The following PDZRN4 variants were observed in gnomAD, a reference collection of about 807,000 sequenced individuals.
PDZRN4 encodes the protein PDZ domain containing ring finger 4, also known as PDZ domain-containing RING finger protein 4.
PDZRN4 carries 70 observed loss-of-function variants against 99.0 expected under a neutral mutation model. That is an observed-to-expected ratio of 0.71 (90% CI 0.58 to 0.86). The LOEUF (loss-of-function observed/expected upper bound fraction) is 0.86. Among genes scored for constraint, PDZRN4 ranks in the 40% least tolerant of loss-of-function variants. The pLI is 0.00. For synonymous variants in PDZRN4, 551 were observed against 501.6 expected (o/e 1.10, Z -1.32); for missense variants, 1,474 against 1,331.2 (o/e 1.11, Z -1.67).
intron 3 of PDZRN4, among the ~76,000 whole-genome samples, chr12:41,483,013 A>T (rs1937701621): frequency 6.6e-6 from 1 of 151,826 alleles, no homozygotes; most frequent in Non-Finnish European, 1.5e-5. Flanking sequence ...TATTGATATT[A>T]AAAATTATAT....
intron 3 of PDZRN4, among the ~76,000 whole-genome samples, chr12:41,289,803 G>A (rs1951445547): frequency 6.6e-6 from 1 of 152,182 alleles, no homozygotes; most frequent in African/African-American, 2.4e-5. Flanking sequence ...TTCAAAGACA[G>A]ATGCCTTCTG....
chr12:41,254,036 T>TGC (rs1566398070), intron 3 of PDZRN4, among the ~76,000 whole-genome samples: 1 of 2,820 alleles, frequency 3.5e-4, no homozygotes, highest in Non-Finnish European at 1.4e-3. Flanking sequence ...TGTGTGTGCG[T>TGC]GTGTGTGTGT....
At chr12:41,354,887 G>A (rs1042462399) in intron 3 of PDZRN4, among the ~76,000 whole-genome samples, 1 of 152,008 alleles carries the variant, frequency 6.6e-6, no homozygotes, top group Non-Finnish European at 1.5e-5. Flanking sequence ...AAGTAATATC[G>A]TACATACCAT....
intron 3 of PDZRN4, among the ~76,000 whole-genome samples, chr12:41,326,328 C>T (rs959742552): frequency 2.0e-5 from 3 of 152,122 alleles, no homozygotes; most frequent in African/African-American, 4.8e-5. Flanking sequence ...TACATGACAA[C>T]ATACACACAC....
intron 3 of PDZRN4, among the ~76,000 whole-genome samples, chr12:41,320,073 A>G (rs183908998): frequency 1.3e-5 from 2 of 152,314 alleles, no homozygotes; most frequent in African/African-American, 4.8e-5. Context: ...AGCCTGTCTT[A>G]CAGCTGCTGT....
chr12:41,512,418 G>C (rs1241170200), intron 5 of PDZRN4, among the ~76,000 whole-genome samples: 3 of 152,030 alleles, frequency 2.0e-5, no homozygotes, highest in Admixed American at 2.0e-4. Context: ...TCTCATAAGA[G>C]AACTAAAGAA....
At chr12:41,500,427 T>C (rs1215256072) in intron 3 of PDZRN4, among the ~76,000 whole-genome samples, 1 of 152,038 alleles carries the variant, frequency 6.6e-6, no homozygotes, top group Non-Finnish European at 1.5e-5. Context: ...CATATTCTCT[T>C]CCAAAAATCC....
chr12:41,336,499 T>C (rs1565555325), intron 3 of PDZRN4, among the ~76,000 whole-genome samples: 2 of 127,960 alleles, frequency 1.6e-5, no homozygotes, highest in Non-Finnish European at 3.5e-5. Flanking sequence ...ATGCAACTGA[T>C]GTGTTCAGAA....
At chr12:41,446,387 C>T (rs1420954544) in intron 3 of PDZRN4, among the ~76,000 whole-genome samples, 1 of 151,588 alleles carries the variant, frequency 6.6e-6, no homozygotes, top group African/African-American at 2.4e-5. Context: ...AAAGACTCTC[C>T]CAAGAGTATA....
intron 3 of PDZRN4, among the ~76,000 whole-genome samples, chr12:41,221,560 G>A (rs1260635491): frequency 6.6e-6 from 1 of 151,922 alleles, no homozygotes; most frequent in Non-Finnish European, 1.5e-5. Context: ...GTCACAAAAA[G>A]GAAATGAACT....
intron 3 of PDZRN4, among the ~76,000 whole-genome samples, chr12:41,349,229 G>A (rs1350181299): frequency 6.6e-6 from 1 of 151,892 alleles, no homozygotes; most frequent in African/African-American, 2.4e-5. Context: ...CACTGTTGTA[G>A]ATTAACTTCT....
intron 3 of PDZRN4, among the ~76,000 whole-genome samples, chr12:41,251,908 G>T (rs1212335331): frequency 1.3e-5 from 2 of 152,058 alleles, no homozygotes; most frequent in Non-Finnish European, 2.9e-5. Flanking sequence ...TAGAGCCAGG[G>T]GGTTCAAGAC....
chr12:41,398,882 C>A (rs773229313), intron 3 of PDZRN4, among the ~76,000 whole-genome samples: 2 of 152,136 alleles, frequency 1.3e-5, no homozygotes, highest in Admixed American at 1.3e-4. Flanking sequence ...TAATCTGAAA[C>A]TCTTCCCTTA....
intron 3 of PDZRN4, among the ~76,000 whole-genome samples, chr12:41,257,294 G>A (rs139481249): frequency 6.6e-6 from 1 of 152,288 alleles, no homozygotes; most frequent in African/African-American, 2.4e-5. Context: ...GTTGCAGATT[G>A]CTGACTTTTC....
intron 3 of PDZRN4, among the ~76,000 whole-genome samples, chr12:41,215,707 T>C (rs146461630): frequency 1.3e-5 from 2 of 152,072 alleles, no homozygotes; most frequent in East Asian, 3.9e-4. Flanking sequence ...TTTTTCACCT[T>C]AGGCAAAGAC....
At chr12:41,507,292 A>G (rs1034947928) in intron 4 of PDZRN4, among the ~76,000 whole-genome samples, 1 of 152,190 alleles carries the variant, frequency 6.6e-6, no homozygotes, top group Non-Finnish European at 1.5e-5. Context: ...TATTCAAGGA[A>G]TACTTCCTCC....
At chr12:41,513,103 C>A (rs1187204670) in intron 5 of PDZRN4, among the ~76,000 whole-genome samples, 1 of 152,170 alleles carries the variant, frequency 6.6e-6, no homozygotes, top group East Asian at 1.9e-4. Context: ...AGACTTAGTG[C>A]ATGGATTATT....
intron 3 of PDZRN4, among the ~76,000 whole-genome samples, chr12:41,496,090 G>A (rs1937996014): frequency 6.6e-6 from 1 of 152,068 alleles, no homozygotes; most frequent in Non-Finnish European, 1.5e-5. Flanking sequence ...TTTACACTCA[G>A]CTTCCACAAC....
intron 3 of PDZRN4, among the ~76,000 whole-genome samples, chr12:41,206,364 T>C (rs1293418527): frequency 6.6e-6 from 1 of 152,048 alleles, no homozygotes; most frequent in South Asian, 2.1e-4. Flanking sequence ...TGTGTTTTTT[T>C]AATTTCATCC....
Sources: gnomAD v4.1 joint callset for allele counts (sites outside exome capture counted in the v4.1 genomes callset) on GRCh38, gnomAD v4.1.1 for gene constraint, MANE v1.5 for transcripts, NCBI Gene and HGNC (gene_info 2026-07-23, HGNC 2026-07-21) for gene names.